WIZ: variants seen among roughly 807,000 people sequenced by gnomAD.
The protein encoded by WIZ is protein Wiz.
WIZ carries 25 observed loss-of-function variants against 140.2 expected under a neutral mutation model. The observed-to-expected ratio is 0.18, with a 90% CI of 0.13 to 0.25. The LOEUF (loss-of-function observed/expected upper bound fraction) is 0.25. WIZ is among the 10% of genes least tolerant of loss of function. The pLI is 1.00. For synonymous variants in WIZ, 1,125 were observed against 1,154.3 expected (o/e 0.97, Z 0.51); for missense variants, 2,231 against 2,632.6 (o/e 0.85, Z 3.34).
At position 15,422,900 on chromosome 19, in the gene WIZ, C is replaced by T. The variant is rs1313991238; in HGVS notation, c.*176G>A. 5 of 913,062 alleles carry T rather than the reference C, an allele frequency of 5.5e-6. No individual in the cohort carries two copies. The South Asian group carries it at 7.2e-5, about 13-fold the overall frequency. 56.6% of individuals were successfully genotyped at this position (913,062 alleles called of 1,614,324 possible). On this transcript the variant is annotated 3_prime_UTR_variant, in exon 13 of 13. Coordinates refer to ENST00000673675, the MANE Select transcript of WIZ (RefSeq NM_001371589.1). ...CAGAGTCCTCGGGCTGGGGGAAGGG[C>T]AGCTAGCTGGCTCCCGGCGCCCTGG...
At chr19:15,429,487 CCCA>C in intron 7 of WIZ, 96 bp downstream of exon 7, 4 of 848,040 alleles carry the variant, frequency 4.7e-6, no homozygotes, top group Non-Finnish European at 4.8e-6. Flanking sequence ...CCCCACCGCC[CCCA>C]CCCACCCTGG....
chr19:15,422,164 G>A lies in WIZ; in HGVS notation c.*912C>T, dbSNP rs1405354036. 6.6e-6 allele frequency: 1 copy of A among 152,228 alleles called. No homozygotes were observed. The highest frequency in any genetic ancestry group is 1.5e-5 in the Non-Finnish European group (1 of 68,040). 9.4% of individuals were successfully genotyped at this position (152,228 alleles called of 1,614,324 possible). A position where few individuals can be genotyped will look rare whatever the true frequency, so the allele number is the denominator to read the frequency against. ...CATCGATAACCAAAATGTGGCCACT[G>A]AAAAAAGTTAAAAGGTCAATCAGCT... On this transcript the variant is annotated 3_prime_UTR_variant, in exon 13 of 13. Coordinates refer to ENST00000673675, the MANE Select transcript of WIZ (RefSeq NM_001371589.1).
chr19:15,438,510 G>T, intron 4 of WIZ, 68 bp downstream of exon 4: 1 of 1,429,728 alleles, frequency 7.0e-7, no homozygotes, highest in Non-Finnish European at 9.2e-7. Context: ...CTAAGGGAGA[G>T]AATTTAGATC....
At chr19:15,426,674 C>G (rs558683028) in intron 9 of WIZ, among the ~76,000 whole-genome samples, 1 of 152,350 alleles carries the variant, frequency 6.6e-6, no homozygotes, top group East Asian at 1.9e-4. Context: ...ACTAATGGAT[C>G]CCCGCAGTCT....
intron 2 of WIZ, among the ~76,000 whole-genome samples, chr19:15,446,848 C>T (rs150567890): frequency 1.1e-4 from 16 of 152,352 alleles, no homozygotes; most frequent in African/African-American, 3.8e-4. Context: ...GCTCAGTCAC[C>T]GCTGTGCCCC....
Position 15,425,562 on chromosome 19 carries a change from C to T in WIZ, c.4573G>A (p.Ala1525Thr). The T allele has an allele frequency of 6.2e-7, 1 of 1,613,122 alleles. No homozygotes were observed. Among genetic ancestry groups the T allele is most frequent in the Non-Finnish European group, 8.5e-7 (1 of 1,179,624 alleles). Residue 1525 changes from alanine to threonine, a missense_variant, in exon 10 of 13, where the codon GCT becomes ACT. This residue lies in a region of WIZ where 393 missense variants were observed against 451.7 expected (regional missense o/e 0.87). Coordinates refer to ENST00000673675, the MANE Select transcript of WIZ (RefSeq NM_001371589.1). ...KPCLIKKEPP[A>T]GDLAPALAED... ...GCCAGGGCAGGGGCCAGGTCTCCAGCCGGTGGCTCCTTCTTGATGAGGCAC... is the reference window on the plus strand; with the variant it reads ...GCCAGGGCAGGGGCCAGGTCTCCAGTCGGTGGCTCCTTCTTGATGAGGCAC...
In WIZ at chr19:15,425,010, C is replaced by T. The variant is rs1187963152; in HGVS notation, c.4917G>A (p.Leu1639=). The T allele has an allele frequency of 1.3e-6, 2 of 1,592,036 alleles. No individual in the cohort carries two copies. The highest frequency in any genetic ancestry group is 2.3e-5 in the East Asian group (1 of 44,206). ...TGCGGTTTTCAAAGTAAAGGCCACA[C>T]AGCTCGCAGCAGGCCTCGGTGGCTG... ...SHSSTEACCE[L]CGLYFENRKA... The change falls in exon 11 of 13, where the codon CTG becomes CTA. Residue 1639 remains leucine, a synonymous_variant. Transcript: ENST00000673675.
At chr19:15,429,503 C>T in intron 7 of WIZ, 83 bp downstream of exon 7, 1 of 1,195,878 alleles carries the variant, frequency 8.4e-7, no homozygotes, top group Non-Finnish European at 1.1e-6. Context: ...CACCCTGGGC[C>T]CTGTCCCTGG....
chr19:15,426,463 C>G (rs1968827870), intron 9 of WIZ, among the ~76,000 whole-genome samples: 1 of 152,178 alleles, frequency 6.6e-6, no homozygotes, highest in African/African-American at 2.4e-5. Flanking sequence ...TCAAGAAAAC[C>G]AGACAGAGTT....
At chr19:15,449,258 G>T (rs1970026010) in intron 1 of WIZ, among the ~76,000 whole-genome samples, 1 of 152,166 alleles carries the variant, frequency 6.6e-6, no homozygotes, top group South Asian at 2.1e-4. Flanking sequence ...CCGGGGCGGG[G>T]CCGGGGCGCC....
At chr19:15,423,570 C>T (rs185909949) in intron 12 of WIZ, among the ~76,000 whole-genome samples, 85 of 152,264 alleles carry the variant, frequency 5.6e-4, no homozygotes, top group African/African-American at 1.3e-3. Context: ...TCCTACCCAA[C>T]GCACCAAGCC....
chr19:15,443,159 C>T (rs562335996), intron 2 of WIZ, among the ~76,000 whole-genome samples: 1 of 152,332 alleles, frequency 6.6e-6, no homozygotes, highest in South Asian at 2.1e-4. Context: ...GCAACCTCTG[C>T]CTCCTGGGTT....
At position 15,428,842 on chromosome 19, in the gene WIZ, G is replaced by C. The variant is rs1437590603; in HGVS notation, c.3416-334C>G. ...GTGGCTGCTGGGCTCACGCAGCCAA[G>C]GGCACACCTGCTCAAGGCCCTGCCC... is the stretch of plus-strand genomic sequence containing the variant. On this transcript the variant is annotated intron_variant, in intron 7 of 12. Coordinates refer to ENST00000673675, the MANE Select transcript of WIZ (RefSeq NM_001371589.1). The surrounding 1 kb of genome is among the most constrained non-coding windows in gnomAD (Gnocchi z 6.4). Among the ~76,000 whole-genome samples, 1 of 152,164 alleles carries C rather than the reference G, an allele frequency of 6.6e-6. No individual in the cohort carries two copies. The highest frequency in any genetic ancestry group is 1.5e-5 in the Non-Finnish European group (1 of 68,014).
At position 15,422,929 on chromosome 19, in the gene WIZ, T is replaced by G; in HGVS notation, c.*147A>C. The G allele has an allele frequency of 1.6e-6, 2 of 1,230,054 alleles. No homozygotes were observed. Among genetic ancestry groups the G allele is most frequent in the Non-Finnish European group, 2.2e-6 (2 of 913,402 alleles). The allele number at this position is 1,230,054 out of a possible 1,614,324, so 76.2% of individuals were successfully genotyped here. A position where few individuals can be genotyped will look rare whatever the true frequency, so the allele number is the denominator to read the frequency against. ...TAGCTGGCTCCCGGCGCCCTGGCTGTAGTGTGCCCGGCCCCCAAGGGGCGC... is the reference window on the plus strand; with the variant it reads ...TAGCTGGCTCCCGGCGCCCTGGCTGGAGTGTGCCCGGCCCCCAAGGGGCGC... On this transcript the variant is annotated 3_prime_UTR_variant, in exon 13 of 13. Transcript: ENST00000673675.
In WIZ at chr19:15,439,722, C is replaced by A; in HGVS notation, c.1272G>T (p.Met424Ile). Residue 424 changes from methionine (M) to isoleucine (I), a missense_variant, in exon 4 of 13, where the codon ATG becomes ATT. Coordinates refer to ENST00000673675, the MANE Select transcript of WIZ (RefSeq NM_001371589.1). The surrounding 1 kb of genome is among the most constrained non-coding windows in gnomAD (Gnocchi z 7.0). ...TGGTGGTCTGGCCTGGGGGCTCACGCATGTGCAGCTTGGCATGCTGCACAT... is the reference window on the plus strand; with the variant it reads ...TGGTGGTCTGGCCTGGGGGCTCACGAATGTGCAGCTTGGCATGCTGCACAT... ...RAYVQHAKLHMREPPGQTTKE... is the reference protein window; with the variant it reads ...RAYVQHAKLHIREPPGQTTKE... 1 of 1,478,960 alleles carries A rather than the reference C, an allele frequency of 6.8e-7. No individual in the cohort carries two copies. Among genetic ancestry groups the A allele is most frequent in the Middle Eastern group, 1.8e-4 (1 of 5,654 alleles). 91.6% of individuals were successfully genotyped at this position (1,478,960 alleles called of 1,614,324 possible).
chr19:15,424,008 G>A lies in WIZ; in HGVS notation c.5510+175C>T, dbSNP rs1968545347. 4 of 543,510 alleles carry A rather than the reference G, an allele frequency of 7.4e-6. No homozygotes were observed. The South Asian group carries it at 1.1e-4, about 15-fold the overall frequency. The allele number at this position is 543,510 out of a possible 1,614,324, so 33.7% of individuals were successfully genotyped here. On this transcript the variant is annotated intron_variant, in intron 12 of 12. Transcript: ENST00000673675. The surrounding 1 kb of genome is among the most constrained non-coding windows in gnomAD (Gnocchi z 9.7). ...GTGGCAGAGTTGGGATTTGAACCCA[G>A]GTCTCGCAGGCTACAAAGCTCAGGG...
chr19:15,432,354 G>A, intron 5 of WIZ: 7 of 837,160 alleles, frequency 8.4e-6, no homozygotes, highest in Middle Eastern at 6.1e-4. Flanking sequence ...AGACTGGACG[G>A]AAGGCGTCGG....
rs771161777 is a variant in WIZ at position 15,428,398 on chromosome 19, C to T, written c.3526G>A (p.Val1176Ile). 1 of 1,535,566 alleles carries T rather than the reference C, an allele frequency of 6.5e-7. No homozygotes were observed. The change falls in exon 8 of 13, where the codon GTC becomes ATC. Residue 1176 changes from valine to isoleucine, a missense_variant. Val to Ile is a conservative substitution (Grantham distance 29). This residue lies in a region of WIZ where 39 missense variants were observed against 74.9 expected (regional missense o/e 0.52). Coordinates refer to ENST00000673675, the MANE Select transcript of WIZ (RefSeq NM_001371589.1). This position sits in a 1 kb window ranked among gnomAD's most constrained non-coding sequence, Gnocchi z 6.4. ...HARAHLRHLG[V>I]SDPDAKGSPI... ...GATCCCTTGGCGTCCGGATCGCTGA[C>T]GCCCAGGTGGCGCAGGTGGGCACGG...
At chr19:15,430,856 G>A (rs972108622) in intron 6 of WIZ, among the ~76,000 whole-genome samples, 156 bp downstream of exon 6, 4 of 152,214 alleles carry the variant, frequency 2.6e-5, no homozygotes, top group Non-Finnish European at 2.9e-5. Flanking sequence ...AAGTTCAAGA[G>A]AGAAGACAGC....
Sources: allele counts gnomAD v4.1 joint callset (sites outside exome capture counted in the v4.1 genomes callset), GRCh38; gene constraint gnomAD v4.1.1; regional missense constraint gnomAD v4.1.1; non-coding constraint Gnocchi (gnomAD v3.1); transcripts MANE v1.5; gene names NCBI Gene and HGNC (gene_info 2026-07-23, HGNC 2026-07-21).